Variants in NEIL3 observed in about 807,000 individuals in gnomAD.
NEIL3 encodes the protein endonuclease 8-like 3.
NEIL3 carries 48 observed loss-of-function variants against 57.5 expected under a neutral mutation model. The observed-to-expected ratio is 0.83, with a 90% CI of 0.66 to 1.06. NEIL3 has a LOEUF of 1.06. NEIL3 is among the 50% of genes least tolerant of loss of function. The pLI is 0.00. For synonymous variants in NEIL3, 261 were observed against 253.2 expected (o/e 1.03, Z -0.29); for missense variants, 717 against 739.1 (o/e 0.97, Z 0.35).
chr4:177,336,077 T>C (rs762924190), intron 3 of NEIL3, 31 bp from the exon 4 acceptor site: 6 of 1,520,868 alleles, frequency 3.9e-6, no homozygotes, highest in Non-Finnish European at 5.5e-6. Flanking sequence ...ACCAGACTTA[T>C]GATTAATGTG....
intron 6 of NEIL3, among the ~76,000 whole-genome samples, chr4:177,345,115 T>G (rs1735186903): frequency 1.3e-5 from 2 of 152,266 alleles, no homozygotes; most frequent in East Asian, 3.9e-4. Context: ...AGCACCGTGA[T>G]GGAAGTGTTG....
chr4:177,360,912 A>G (rs1021490114), intron 9 of NEIL3, among the ~76,000 whole-genome samples: 1 of 152,218 alleles, frequency 6.6e-6, no homozygotes, highest in Admixed American at 6.5e-5. Flanking sequence ...ATTTATAATC[A>G]TAAGTCTAGA....
chr4:177,311,316 G>A (rs1299940739), intron 1 of NEIL3, among the ~76,000 whole-genome samples: 3 of 152,092 alleles, frequency 2.0e-5, no homozygotes, highest in Non-Finnish European at 2.9e-5. Context: ...TTCTGTGAAG[G>A]AGAGATACAC....
At chr4:177,349,442 C>T (rs1735305536) in intron 6 of NEIL3, among the ~76,000 whole-genome samples, 1 of 152,150 alleles carries the variant, frequency 6.6e-6, no homozygotes. Flanking sequence ...TCACTGCAAC[C>T]TCTGCCTTTG....
intron 8 of NEIL3, among the ~76,000 whole-genome samples, chr4:177,357,367 T>A (rs1375113580): frequency 7.2e-6 from 1 of 138,134 alleles, no homozygotes; most frequent in Non-Finnish European, 1.7e-5. Flanking sequence ...TTTTGTGTGA[T>A]TTTTTTTTTA....
intron 2 of NEIL3, among the ~76,000 whole-genome samples, chr4:177,327,374 G>A (rs1039353169): frequency 1.3e-5 from 2 of 152,094 alleles, no homozygotes; most frequent in African/African-American, 4.8e-5. Flanking sequence ...CATATCATCT[G>A]TGAATTAAAG....
intron 6 of NEIL3, among the ~76,000 whole-genome samples, chr4:177,348,539 G>A (rs1579002876): frequency 6.6e-6 from 1 of 152,260 alleles, no homozygotes; most frequent in South Asian, 2.1e-4. Context: ...GATGCTGGCA[G>A]CACCCAGGCG....
Position 177,335,834 on chromosome 4 carries a change from T to C in NEIL3, c.413+12T>C. The C allele has an allele frequency of 6.6e-7, 1 of 1,524,168 alleles. No homozygotes were observed. Among genetic ancestry groups the C allele is most frequent in the Non-Finnish European group, 8.8e-7 (1 of 1,141,166 alleles). The allele number at this position is 1,524,168 out of a possible 1,614,324, so 94.4% of individuals were successfully genotyped here. On this transcript the variant is annotated intron_variant, in intron 3 of 9. Coordinates refer to ENST00000264596, the MANE Select transcript of NEIL3 (RefSeq NM_018248.3). ...TCAGTAGAACTCAGGTAAAAAAAAT[T>C]AAATAAAAGTACTTACGCTGCAATA...
intron 6 of NEIL3, among the ~76,000 whole-genome samples, chr4:177,348,050 A>T (rs907742222): frequency 2.0e-5 from 3 of 152,286 alleles, no homozygotes; most frequent in Admixed American, 6.5e-5. Context: ...ACACATCTCC[A>T]ACTTCCTCTA....
At chr4:177,320,704 T>G (rs984294416) in intron 1 of NEIL3, among the ~76,000 whole-genome samples, 1 of 151,616 alleles carries the variant, frequency 6.6e-6, no homozygotes, top group African/African-American at 2.4e-5. Context: ...CCTGACCTCG[T>G]GATCCGCCCG....
intron 1 of NEIL3, among the ~76,000 whole-genome samples, chr4:177,314,359 A>G (rs1734533393): frequency 6.6e-6 from 1 of 152,228 alleles, no homozygotes; most frequent in African/African-American, 2.4e-5. Context: ...AGAAGAGAGC[A>G]TCTGATCATC....
At chr4:177,358,196 A>T (rs1735521075) in intron 8 of NEIL3, among the ~76,000 whole-genome samples, 1 of 152,140 alleles carries the variant, frequency 6.6e-6, no homozygotes. Context: ...GTAGGGGTGG[A>T]TATGTCTGTG....
chr4:177,352,704 C>T (rs2110930802), intron 7 of NEIL3, among the ~76,000 whole-genome samples: 1 of 152,072 alleles, frequency 6.6e-6, no homozygotes, highest in Non-Finnish European at 1.5e-5. Context: ...CTGGCGGGTG[C>T]CCGTAATCCC....
downstream of NEIL3, among the ~76,000 whole-genome samples, chr4:177,364,181 A>G (rs1304375672): frequency 2.0e-5 from 3 of 152,034 alleles, no homozygotes; most frequent in East Asian, 3.9e-4. Flanking sequence ...ATTATGATAA[A>G]ATTTCTCATA....
intron 6 of NEIL3, 90 bp downstream of exon 6, chr4:177,341,732 G>A (rs1735096975): frequency 3.5e-6 from 4 of 1,140,874 alleles, no homozygotes; most frequent in African/African-American, 1.6e-5. Context: ...TAACTGTCAG[G>A]CTATTCAGAA....
chr4:177,348,027 GCT>G (rs1735259351), intron 6 of NEIL3, among the ~76,000 whole-genome samples: 1 of 152,110 alleles, frequency 6.6e-6, no homozygotes, highest in African/African-American at 2.4e-5. Flanking sequence ...TTCACAATTG[GCT>G]GTTGATAGTG....
chr4:177,316,579 A>C (rs1001071601), intron 1 of NEIL3, among the ~76,000 whole-genome samples: 1 of 152,124 alleles, frequency 6.6e-6, no homozygotes, highest in Non-Finnish European at 1.5e-5. Flanking sequence ...TCTTGGGAAG[A>C]GTCAAGCAGG....
rs879246147 is a variant in NEIL3 at position 177,341,592 on chromosome 4, A to G, written c.819A>G (p.Thr273=). The part of the protein sequence containing the change: ...VCRFGDNNRM[T]YFCPHCQKEN... ...GCTTTGGGGACAATAACAGAATGAC[A>G]TATTTCTGTCCTCACTGTCAAAAAG... Residue 273 remains threonine, a synonymous_variant, in exon 6 of 10, where the codon ACA becomes ACG. Coordinates refer to ENST00000264596, the MANE Select transcript of NEIL3 (RefSeq NM_018248.3). 5.6e-6 allele frequency: 9 copies of G among 1,613,616 alleles called. No homozygotes were observed. Among genetic ancestry groups the G allele is most frequent in the Admixed American group, 1.7e-5 (1 of 59,962 alleles).
chr4:177,312,389 C>T (rs899849289), intron 1 of NEIL3, among the ~76,000 whole-genome samples: 5 of 152,132 alleles, frequency 3.3e-5, no homozygotes, highest in African/African-American at 9.7e-5. Context: ...GTAAGAACAC[C>T]ATAATGCTCA....
Sources: allele counts gnomAD v4.1 joint callset (sites outside exome capture counted in the v4.1 genomes callset), GRCh38; gene constraint gnomAD v4.1.1; transcripts MANE v1.5; gene names NCBI Gene and HGNC (gene_info 2026-07-23, HGNC 2026-07-21).